GSAP: variants seen among roughly 807,000 people sequenced by gnomAD.
The protein encoded by GSAP is gamma-secretase-activating protein.
GSAP carries 118 observed loss-of-function variants against 131.7 expected under a neutral mutation model. The observed-to-expected ratio is 0.90, with a 90% CI of 0.77 to 1.04. The LOEUF (loss-of-function observed/expected upper bound fraction) is 1.04. GSAP is among the 50% of genes least tolerant of loss of function. GSAP has a pLI of 0.00. For synonymous variants in GSAP, 381 were observed against 363.4 expected, an observed-to-expected ratio of 1.05 and a Z score of -0.55; for missense variants, 1,019 against 1,013.2, an observed-to-expected ratio of 1.01 and a Z score of -0.08.
At chr7:77,365,862 C>T (rs1168161357) in intron 12 of GSAP, among the ~76,000 whole-genome samples, 1 of 145,338 alleles carries the variant, frequency 6.9e-6, no homozygotes, top group African/African-American at 2.5e-5. Flanking sequence ...GTGTATAAGT[C>T]TTCCCTTTTC....
At chr7:77,341,333 C>T (rs1295869269) in intron 19 of GSAP, among the ~76,000 whole-genome samples, 1 of 152,138 alleles carries the variant, frequency 6.6e-6, no homozygotes, top group Non-Finnish European at 1.5e-5. Context: ...CCCCTCCTCC[C>T]CAAGGCTGCT....
At chr7:77,349,487 A>C (rs919693875) in intron 18 of GSAP, 83 bp from the exon 19 acceptor site, 2 of 1,204,664 alleles carry the variant, frequency 1.7e-6, no homozygotes, top group Non-Finnish European at 2.4e-6. Context: ...TGTTTTCTGC[A>C]CAGACAGAAG....
Position 77,360,875 on chromosome 7 carries a change from G to A in GSAP, c.976C>T (p.Leu326Phe). The A allele has an allele frequency of 6.2e-7, 1 of 1,603,062 alleles. No homozygotes were observed. Among genetic ancestry groups the A allele is most frequent in the Non-Finnish European group, 8.5e-7 (1 of 1,170,218 alleles). Reference protein sequence around the residue: ...KGHSKTFTTSLENVGSHMTKG... With the variant: ...KGHSKTFTTSFENVGSHMTKG... The stretch of plus-strand genomic sequence containing the variant: ...GTCATGTGTGACCCAACATTCTCAA[G>A]AGAAGTGGTGAAGGTCTTGCTGTGT... Residue 326 changes from leucine (L) to phenylalanine (F), a missense_variant, in exon 14 of 31, where the codon CTT becomes TTT. Transcript: ENST00000257626.
intron 8 of GSAP, among the ~76,000 whole-genome samples, chr7:77,379,027 C>T (rs1231762598): frequency 1.3e-5 from 2 of 152,104 alleles, no homozygotes; most frequent in Non-Finnish European, 2.9e-5. Context: ...CCACTATTTC[C>T]GCTTACCCTG....
chr7:77,366,866 T>C (rs181790604), intron 12 of GSAP, among the ~76,000 whole-genome samples: 4 of 152,336 alleles, frequency 2.6e-5, no homozygotes, highest in African/African-American at 9.6e-5. Context: ...GAGCATGTTT[T>C]TCCATTTCTT....
chr7:77,387,123 T>C (rs939317012), intron 6 of GSAP, among the ~76,000 whole-genome samples: 1 of 152,240 alleles, frequency 6.6e-6, no homozygotes, highest in African/African-American at 2.4e-5. Flanking sequence ...TAATATTTGA[T>C]ATTTTATCAT....
chr7:77,348,060 T>C (rs1469972999), intron 19 of GSAP, among the ~76,000 whole-genome samples: 2 of 151,058 alleles, frequency 1.3e-5, no homozygotes, highest in East Asian at 3.9e-4. Context: ...TACCAACCAC[T>C]CAGGAGGCTG....
chr7:77,329,465 G>T, intron 20 of GSAP, 74 bp from the exon 21 acceptor site: 2 of 711,828 alleles, frequency 2.8e-6, no homozygotes, highest in Non-Finnish European at 2.4e-6. Context: ...AGGATATAAT[G>T]CAATACAGTT....
At chr7:77,406,256 A>G (rs1802250775) in intron 1 of GSAP, 151 bp from the exon 2 acceptor site, 2 of 337,492 alleles carry the variant, frequency 5.9e-6, no homozygotes, top group Non-Finnish European at 9.3e-6. Flanking sequence ...CTTTTATTAG[A>G]AGTACAAACA....
chr7:77,344,484 C>T (rs1791492526), intron 19 of GSAP, among the ~76,000 whole-genome samples: 1 of 152,154 alleles, frequency 6.6e-6, no homozygotes, highest in African/African-American at 2.4e-5. Flanking sequence ...ATTCCAGACA[C>T]CAGCCCAACT....
intron 26 of GSAP, chr7:77,316,008 T>A (rs1011721223): frequency 6.6e-6 from 1 of 152,162 alleles, no homozygotes; most frequent in South Asian, 2.1e-4. Context: ...GTGACAGAGG[T>A]TGAATGCTGA....
chr7:77,401,567 G>A (rs756088554), intron 3 of GSAP, among the ~76,000 whole-genome samples: 3 of 151,980 alleles, frequency 2.0e-5, no homozygotes, highest in Non-Finnish European at 2.9e-5. Flanking sequence ...ATTTGTCATC[G>A]GCATAGCTAC....
At chr7:77,348,702 C>CAT (rs1455984715) in intron 19 of GSAP, among the ~76,000 whole-genome samples, 2 of 152,170 alleles carry the variant, frequency 1.3e-5, no homozygotes, top group Non-Finnish European at 2.9e-5. Flanking sequence ...TAACTACATA[C>CAT]ATATCCTTTT....
At chr7:77,407,862 A>G (rs1027799671) in intron 1 of GSAP, among the ~76,000 whole-genome samples, 3 of 152,238 alleles carry the variant, frequency 2.0e-5, no homozygotes, top group Admixed American at 6.5e-5. Context: ...AACCCAAACT[A>G]TCCATTAAGT....
intron 8 of GSAP, among the ~76,000 whole-genome samples, chr7:77,380,910 G>T (rs1449399014): frequency 6.6e-6 from 1 of 152,164 alleles, no homozygotes; most frequent in Non-Finnish European, 1.5e-5. Context: ...GGATACTCCT[G>T]ATCTTTTTAC....
chr7:77,318,744 C>A (rs1054117774), intron 26 of GSAP, among the ~76,000 whole-genome samples: 2 of 152,004 alleles, frequency 1.3e-5, no homozygotes, highest in Admixed American at 6.6e-5. Flanking sequence ...AGACCTGAAA[C>A]TGAAAAACCC....
chr7:77,322,585 T>G (rs946659367), intron 24 of GSAP, among the ~76,000 whole-genome samples: 2 of 128,446 alleles, frequency 1.6e-5, no homozygotes, highest in African/African-American at 5.7e-5. Context: ...GTTGTGAGTT[T>G]TTTTTTTTTT....
chr7:77,353,741 C>A, intron 16 of GSAP, 100 bp from the exon 17 acceptor site: 1 of 698,484 alleles, frequency 1.4e-6, no homozygotes, highest in South Asian at 1.7e-5. Flanking sequence ...CATTCTATAC[C>A]TATTTTAGAA....
rs1371758491 is a variant in GSAP at position 77,387,392 on chromosome 7, G to C, written c.424C>G (p.Leu142Val). Residue 142 changes from leucine (L) to valine (V), a missense_variant, in exon 6 of 31, where the codon CTA (leucine) becomes GTA (valine). Transcript: ENST00000257626. ...CAAATATAGCTATCCACAGCCTTTA[G>C]AACCTTCACATTGTTAACAGGGTGG... ...EIHPVNNVKV[L>V]KAVDSYIWVQ... The C allele has an allele frequency of 6.2e-7, 1 of 1,601,038 alleles. No homozygotes were observed. Among genetic ancestry groups the C allele is most frequent in the South Asian group, 1.1e-5 (1 of 90,718 alleles).
Sources: gnomAD v4.1 joint callset for allele counts (sites outside exome capture counted in the v4.1 genomes callset) on GRCh38, gnomAD v4.1.1 for gene constraint, MANE v1.5 for transcripts, NCBI Gene and HGNC (gene_info 2026-07-23, HGNC 2026-07-21) for gene names.